CLIC5: variants seen among roughly 807,000 people sequenced by gnomAD.
The protein encoded by CLIC5 is CLIC family member 5, also known as chloride intracellular channel protein 5.
A neutral mutation model predicts 24.7 loss-of-function variants in CLIC5; 20 were observed. The ratio of observed to expected loss-of-function variants is 0.81; its 90% CI spans 0.57 to 1.18. The LOEUF is 1.18. CLIC5 is among the 50% of genes most tolerant of loss of function. CLIC5 has a pLI of 0.00. For missense variants in CLIC5, 341 were observed against 326.1 expected, an observed-to-expected ratio of 1.05 and a Z score of -0.35; for synonymous variants, 159 against 135.6, an observed-to-expected ratio of 1.17 and a Z score of -1.20.
intron 1 of CLIC5, among the ~76,000 whole-genome samples, chr6:45,964,865 C>T (rs1040658354): frequency 6.6e-6 from 1 of 152,180 alleles, no homozygotes; most frequent in African/African-American, 2.4e-5. Flanking sequence ...ACACACTTAG[C>T]TTCAGGCCCC....
the CLIC5 span, among the ~76,000 whole-genome samples, chr6:46,091,846 T>A: frequency 1.3e-5 from 2 of 152,240 alleles, no homozygotes; most frequent in African/African-American, 4.8e-5. Flanking sequence ...TTTGACATAC[T>A]GATTTTATAT....
At chr6:46,061,081 G>C (rs1281356213) in intron 1 of CLIC5, among the ~76,000 whole-genome samples, 1 of 152,206 alleles carries the variant, frequency 6.6e-6, no homozygotes, top group Non-Finnish European at 1.5e-5. Context: ...TAGACGAGAG[G>C]CTCATTCTTG....
At chr6:45,920,585 G>T in intron 4 of CLIC5, 1 of 620,086 alleles carries the variant, frequency 1.6e-6, no homozygotes, top group Non-Finnish European at 2.0e-6. Context: ...ACATTTGATA[G>T]TTTAAAACGT....
chr6:45,957,656 T>A (rs1390489544), intron 1 of CLIC5, among the ~76,000 whole-genome samples: 1 of 152,240 alleles, frequency 6.6e-6, no homozygotes, highest in African/African-American at 2.4e-5. Context: ...TAATCTTGTA[T>A]TAAACTATGA....
chr6:46,063,601 C>T (rs895440328), intron 1 of CLIC5, among the ~76,000 whole-genome samples: 47 of 152,164 alleles, frequency 3.1e-4, no homozygotes, highest in African/African-American at 9.2e-4. Flanking sequence ...CCCCTTGAAT[C>T]TTTGACTAAG....
intron 6 of CLIC5, among the ~76,000 whole-genome samples, chr6:45,883,570 C>G (rs75214691): frequency 6.6e-6 from 1 of 152,160 alleles, no homozygotes; most frequent in Non-Finnish European, 1.5e-5. Context: ...GGCACATTTA[C>G]TAAGAACCTA....
intron 1 of CLIC5, among the ~76,000 whole-genome samples, chr6:46,002,051 C>T (rs1239097698): frequency 6.6e-6 from 1 of 152,138 alleles, no homozygotes; most frequent in Non-Finnish European, 1.5e-5. Flanking sequence ...CAGCTTTATT[C>T]TCACCTCTGC....
At chr6:45,937,446 C>T (rs1254122362) in intron 4 of CLIC5, 4 of 152,218 alleles carry the variant, frequency 2.6e-5, no homozygotes, top group African/African-American at 4.8e-5. Flanking sequence ...GTCCATTTTA[C>T]AGATGCAGAG....
chr6:45,946,343 A>C (rs1005538722), intron 3 of CLIC5, among the ~76,000 whole-genome samples: 2 of 152,236 alleles, frequency 1.3e-5, no homozygotes, highest in African/African-American at 2.4e-5. Context: ...CTCATTTAGA[A>C]ACAACTTGAG....
chr6:45,909,396 T>C (rs1450912931), intron 5 of CLIC5, among the ~76,000 whole-genome samples: 1 of 152,200 alleles, frequency 6.6e-6, no homozygotes, highest in Non-Finnish European at 1.5e-5. Context: ...TACAAGTGTG[T>C]TTTTGTGGTA....
At chr6:45,910,421 A>C (rs1762784508) in intron 5 of CLIC5, among the ~76,000 whole-genome samples, 3 of 152,202 alleles carry the variant, frequency 2.0e-5, no homozygotes, top group Admixed American at 2.0e-4. Flanking sequence ...TTATCTGTAC[A>C]TCAGACAAGG....
intron 1 of CLIC5, among the ~76,000 whole-genome samples, chr6:45,967,549 G>A (rs543314325): frequency 9.7e-4 from 147 of 152,306 alleles, no homozygotes; most frequent in Non-Finnish European, 1.9e-3. Context: ...GATGGCATAA[G>A]CACATGCCTG....
chr6:46,106,544 T>C, the CLIC5 span, among the ~76,000 whole-genome samples: 1 of 152,238 alleles, frequency 6.6e-6, no homozygotes, highest in South Asian at 2.1e-4. Flanking sequence ...CTGAGGTCAG[T>C]GGTCCAGTTG....
chr6:46,036,445 G>A (rs965874355), intron 1 of CLIC5, among the ~76,000 whole-genome samples: 2 of 151,544 alleles, frequency 1.3e-5, no homozygotes, highest in Non-Finnish European at 2.9e-5. Flanking sequence ...CGAGTAGCTG[G>A]GACTACAGGC....
intron 1 of CLIC5, among the ~76,000 whole-genome samples, chr6:46,021,038 G>A (rs1165529325): frequency 6.7e-6 from 1 of 148,498 alleles, no homozygotes; most frequent in Non-Finnish European, 1.5e-5. Flanking sequence ...AATGAGAAGA[G>A]GAGGAAGTGA....
chr6:45,922,292 A>G (rs1763294681), intron 4 of CLIC5, among the ~76,000 whole-genome samples: 1 of 152,204 alleles, frequency 6.6e-6, no homozygotes, highest in Non-Finnish European at 1.5e-5. Context: ...GATATAGGAC[A>G]CTGTTGGTTG....
intron 4 of CLIC5, among the ~76,000 whole-genome samples, chr6:45,934,697 T>TTAGGCTACAGGCA (rs1328913093): frequency 1.3e-5 from 2 of 152,210 alleles, no homozygotes; most frequent in Admixed American, 6.5e-5. Flanking sequence ...AATTTTTGTC[T>TTAGGCTACAGGCA]TAGGCTACAG....
At chr6:46,123,838 T>A in the CLIC5 span, among the ~76,000 whole-genome samples, 1 of 152,078 alleles carries the variant, frequency 6.6e-6, no homozygotes, top group Non-Finnish European at 1.5e-5. Flanking sequence ...CACAATTGCT[T>A]CAAAGAGAAT....
upstream of CLIC5, among the ~76,000 whole-genome samples, chr6:46,085,063 C>T (rs1763002414): frequency 1.3e-5 from 2 of 152,200 alleles, no homozygotes; most frequent in Non-Finnish European, 2.9e-5. Flanking sequence ...CAGTTGATCG[C>T]ATTGGCTCCT....
Sources: gnomAD v4.1 joint callset for allele counts (sites outside exome capture counted in the v4.1 genomes callset) on GRCh38, gnomAD v4.1.1 for gene constraint, MANE v1.5 for transcripts, NCBI Gene and HGNC (gene_info 2026-07-23, HGNC 2026-07-21) for gene names.